CATSPERD: variants seen among roughly 807,000 people sequenced by gnomAD.
CATSPERD encodes catsper channel auxiliary subunit delta.
Under a neutral mutation model 98.1 loss-of-function variants are expected in CATSPERD, and 86 were observed. That is an observed-to-expected ratio of 0.88 (90% CI 0.74 to 1.05). The LOEUF (loss-of-function observed/expected upper bound fraction) is 1.05. Ranked by LOEUF, CATSPERD falls within the 50% of genes least tolerant of loss-of-function variation. CATSPERD has a pLI of 0.00. For missense variants in CATSPERD, 995 were observed against 1,005.7 expected (o/e 0.99, Z 0.14); for synonymous variants, 394 against 390.2 (o/e 1.01, Z -0.12).
At chr19:5,777,767 C>T (rs188178739) in intron 21 of CATSPERD, among the ~76,000 whole-genome samples, 15 of 151,886 alleles carry the variant, frequency 9.9e-5, no homozygotes, top group East Asian at 3.9e-4. Flanking sequence ...CCCAGCTACT[C>T]GGGAGGCTGA....
At chr19:5,733,828 T>C (rs780772436) in intron 4 of CATSPERD, 28 bp from the exon 5 acceptor site, 1 of 1,407,930 alleles carries the variant, frequency 7.1e-7, no homozygotes, top group East Asian at 2.3e-5. Context: ...GATGCTCTCA[T>C]TGATATCATC....
intron 5 of CATSPERD, among the ~76,000 whole-genome samples, chr19:5,735,575 T>G (rs959907425): frequency 4.1e-5 from 6 of 147,922 alleles, no homozygotes; most frequent in Non-Finnish European, 7.5e-5. Context: ...CAGGTTCAAG[T>G]GATCCTCCTG....
At chr19:5,772,541 C>T in intron 19 of CATSPERD, 1 of 468,798 alleles carries the variant, frequency 2.1e-6, no homozygotes, top group Non-Finnish European at 3.8e-6. Context: ...GCAGACTTTT[C>T]CTTCCACCCT....
intron 4 of CATSPERD, among the ~76,000 whole-genome samples, chr19:5,730,666 G>C (rs903573363): frequency 1.3e-5 from 2 of 152,080 alleles, no homozygotes; most frequent in South Asian, 2.1e-4. Flanking sequence ...TGTAATCCCT[G>C]CACATTGATT....
At chr19:5,771,782 G>T (rs2056649438) in intron 19 of CATSPERD, among the ~76,000 whole-genome samples, 1 of 151,632 alleles carries the variant, frequency 6.6e-6, no homozygotes, top group Non-Finnish European at 1.5e-5. Context: ...TGTTGGTCAG[G>T]CTGGTCTCGA....
intron 2 of CATSPERD, among the ~76,000 whole-genome samples, chr19:5,725,443 G>A (rs1345415723): frequency 1.3e-5 from 2 of 152,112 alleles, no homozygotes; most frequent in South Asian, 2.1e-4. Flanking sequence ...TCACCACCGT[G>A]CCCAGCCTTG....
Position 5,763,847 on chromosome 19 carries a change from C to CTTTTTTTTTTTTTTTTTT in CATSPERD, c.1506+555_1506+572dup. Reference sequence around the variant, plus strand: ...TGTTGGCCAGGCTGGTCTTGAACTCCTTTTTTTTTTTTTTTTTTGACATGG... The same window carrying CTTTTTTTTTTTTTTTTTT: ...TGTTGGCCAGGCTGGTCTTGAACTCCTTTTTTTTTTTTTTTTTTTTTTTTTTTTTTTTTTTTGACATGG... On this transcript the variant is annotated intron_variant, in intron 16 of 21. Coordinates refer to ENST00000381624, the MANE Select transcript of CATSPERD (RefSeq NM_152784.4). Among the ~76,000 whole-genome samples, 41 of 62,126 alleles carry CTTTTTTTTTTTTTTTTTT rather than the reference C, an allele frequency of 6.6e-4. 7 individuals carry two copies. The highest frequency in any genetic ancestry group is 1.2e-3 in the South Asian group (2 of 1,626). 40.8% of individuals were successfully genotyped at this position (62,126 alleles called of 152,430 possible).
At chr19:5,747,867 C>T (rs188564533) in intron 9 of CATSPERD, among the ~76,000 whole-genome samples, 1 of 152,276 alleles carries the variant, frequency 6.6e-6, no homozygotes, top group East Asian at 1.9e-4. Context: ...CCACCTCAGC[C>T]TCCCAAAGTA....
chr19:5,755,876 G>C (rs905338932), intron 13 of CATSPERD, among the ~76,000 whole-genome samples: 7 of 152,308 alleles, frequency 4.6e-5, no homozygotes, highest in South Asian at 4.1e-4. Flanking sequence ...GCTAAGGCAG[G>C]AGGCTGAGGC....
At position 5,770,987 on chromosome 19, in the gene CATSPERD, G is replaced by C; in HGVS notation, c.1678G>C (p.Asp560His). 6.2e-7 allele frequency: 1 copy of C among 1,613,976 alleles called. No homozygotes were observed. The highest frequency in any genetic ancestry group is 1.1e-5 in the South Asian group (1 of 91,074). Residue 560 changes from aspartate (D) to histidine (H), a missense_variant, in exon 19 of 22, where the codon GAC becomes CAC. Around this residue, in one of 3 missense-constraint regions of CATSPERD, gnomAD observed 762 missense variants for 773.7 expected, o/e 0.98. Transcript: ENST00000381624. ...CTTCCAGGGGCAGCAGTCCTCCGAG[G>C]ACCTGCACGTGTTTTACTCCTACCA... ...PGFQGQQSSEDLHVFYSYQQL... is the reference protein window; with the variant it reads ...PGFQGQQSSEHLHVFYSYQQL...
chr19:5,772,807 C>T lies in CATSPERD; in HGVS notation c.1783C>T (p.Gln595Ter), dbSNP rs1568375874. The change falls in exon 20 of 22, where the codon CAG (glutamine) becomes TAG (stop). Residue 595 changes from glutamine to a stop codon, truncating the protein, a stop_gained. Transcript: ENST00000381624. LOFTEE classifies it high-confidence loss of function. ...TCCTAGGTGGCGAAAAGACAGTTTC[C>T]AGGAGGTCATCGACGCCGAGTATGT... ...VVELWRKDSF[Q>*]EVIDAEYVLL... The T allele has an allele frequency of 6.2e-7, 1 of 1,613,836 alleles. No individual in the cohort carries two copies. Among genetic ancestry groups the T allele is most frequent in the Admixed American group, 1.7e-5 (1 of 59,966 alleles).
At chr19:5,739,286 C>T (rs2055909261) in intron 6 of CATSPERD, 40 bp from the exon 7 acceptor site, 3 of 1,095,204 alleles carry the variant, frequency 2.7e-6, no homozygotes, top group Non-Finnish European at 4.1e-6. Flanking sequence ...TACTTGCTGG[C>T]ATCTTTCTTT....
intron 11 of CATSPERD, among the ~76,000 whole-genome samples, chr19:5,750,451 A>AAG (rs1491263327): frequency 4.2e-5 from 1 of 23,916 alleles, no homozygotes; most frequent in African/African-American, 1.3e-4. Flanking sequence ...ACTCTGTCTC[A>AAG]AAAAAAAAAA....
chr19:5,747,739 G>A (rs944604851), intron 9 of CATSPERD, among the ~76,000 whole-genome samples: 1 of 150,094 alleles, frequency 6.7e-6, no homozygotes, highest in Admixed American at 6.8e-5. Context: ...AGTCTCCCAA[G>A]TAGCTGGGAT....
intron 13 of CATSPERD, 91 bp from the exon 14 acceptor site, chr19:5,757,752 T>C: frequency 1.1e-6 from 1 of 917,176 alleles, no homozygotes; most frequent in South Asian, 1.6e-5. Context: ...TGATTTTTCA[T>C]TTGAAGGTGT....
intron 3 of CATSPERD, among the ~76,000 whole-genome samples, chr19:5,728,363 AAAAAAAAAAAAGAAAAAGAAAAGAAAAG>A (rs2055649194): frequency 6.7e-6 from 1 of 149,820 alleles, no homozygotes; most frequent in African/African-American, 2.5e-5. Flanking sequence ...TCTCAAAAAA[AAAAAAAAAAAAGAAAAAGAAAAGAAAAG>A]AAAGAAAAAG....
rs992716474 is a variant in CATSPERD, at chr19:5,720,720, C to T, written c.-18C>T. The T allele has an allele frequency of 6.9e-6, 11 of 1,604,026 alleles. No homozygotes were observed. The highest frequency in any genetic ancestry group is 3.3e-5 in the Admixed American group (2 of 59,764). ...CGTGGCGGTTGAGGGGCAGTGGTGG[C>T]GGCGGAAGCCCAAGTCGATGCTGAT... On this transcript the variant is annotated 5_prime_UTR_variant, in exon 1 of 22. Transcript: ENST00000381624.
At chr19:5,766,875 T>G (rs1374968513) in intron 17 of CATSPERD, among the ~76,000 whole-genome samples, 3 of 151,700 alleles carry the variant, frequency 2.0e-5, no homozygotes, top group African/African-American at 7.3e-5. Flanking sequence ...GTATTTTTAG[T>G]AGAAACGGGG....
Position 5,763,288 on chromosome 19 carries a change from C to A in CATSPERD, c.1501C>A (p.Pro501Thr). ...GGAAATTTCATGTGTGGATATCAAG[C>A]CACTGGTAGGTCCCAAATCTTTGCT... ...NKEISCVDIK[P>T]LSTLISVGCD... is the part of the protein sequence containing the mutation. Residue 501 changes from proline (P) to threonine (T), a missense_variant, in exon 16 of 22, where the codon CCA (proline) becomes ACA (threonine). Physicochemically the swap from Pro to Thr is conservative, Grantham distance 38 (BLOSUM62 -1). This residue lies in a region of CATSPERD where 762 missense variants were observed against 773.7 expected (regional missense o/e 0.98). Coordinates refer to ENST00000381624, the MANE Select transcript of CATSPERD (RefSeq NM_152784.4). The A allele has an allele frequency of 1.2e-6, 2 of 1,613,062 alleles. No individual in the cohort carries two copies. Among genetic ancestry groups the A allele is most frequent in the Admixed American group, 1.7e-5 (1 of 59,972 alleles).
Sources: allele counts gnomAD v4.1 joint callset (sites outside exome capture counted in the v4.1 genomes callset), GRCh38; gene constraint gnomAD v4.1.1; regional missense constraint gnomAD v4.1.1; transcripts MANE v1.5; gene names NCBI Gene and HGNC (gene_info 2026-07-23, HGNC 2026-07-21).